The following ACOT7 variants were observed in gnomAD, a reference collection of about 807,000 sequenced individuals.
The protein encoded by ACOT7 is cytosolic acyl coenzyme A thioester hydrolase.
Under a neutral mutation model 40.2 loss-of-function variants are expected in ACOT7, and 12 were observed. The ratio of observed to expected loss-of-function variants is 0.30; its 90% confidence interval spans 0.19 to 0.48. ACOT7 has a LOEUF of 0.48. ACOT7 is among the 20% of genes least tolerant of loss of function. The probability of loss-of-function intolerance (pLI) is 0.99; values close to 1 mark genes in which losing one functional copy is unlikely to be tolerated. For missense variants in ACOT7, 395 were observed against 530.8 expected, an observed-to-expected ratio of 0.74 and a Z score of 2.51; for synonymous variants, 228 against 219.5, an observed-to-expected ratio of 1.04 and a Z score of -0.34.
chr1:6,375,780 CAA>C (rs1288487678), intron 1 of ACOT7, among the ~76,000 whole-genome samples: 1 of 150,360 alleles, frequency 6.7e-6, no homozygotes, highest in Middle Eastern at 3.2e-3. Context: ...ACTAAAAATA[CAA>C]AAAAAATTAG....
In ACOT7 at chr1:6,385,380, C is replaced by T. The variant is rs947242506; in HGVS notation, c.143+7877G>A. Reference sequence around the variant, plus strand: ...CAAAACACACAGCTCATCCAACACCCGACCCTACTACCCTCCCCAAAACTC... The same window carrying T: ...CAAAACACACAGCTCATCCAACACCTGACCCTACTACCCTCCCCAAAACTC... On this transcript the variant is annotated intron_variant, in intron 1 of 8. Transcript: ENST00000361521. The T allele has an allele frequency of 2.4e-5, 32 of 1,311,200 alleles. No individual in the cohort carries two copies. In the African/African-American group the frequency reaches 3.2e-4, roughly 13 times the overall value. 81.2% of individuals were successfully genotyped at this position (1,311,200 alleles called of 1,614,324 possible). A position where few individuals can be genotyped will look rare whatever the true frequency, so the allele number is the denominator to read the frequency against.
At chr1:6,333,627 T>C in intron 3 of ACOT7, 59 bp from the exon 4 acceptor site, 1 of 1,555,126 alleles carries the variant, frequency 6.4e-7, no homozygotes, top group Non-Finnish European at 8.9e-7. Context: ...AATGTGAGCG[T>C]CCAGGCACGT....
Position 6,274,083 on chromosome 1 carries a change from G to A in ACOT7, c.1014+7019C>T, listed in dbSNP as rs1455330345. 6.6e-6 allele frequency among the ~76,000 whole-genome samples: 1 copy of A among 152,172 alleles called. No homozygotes were observed. Among genetic ancestry groups the A allele is most frequent in the Non-Finnish European group, 1.5e-5 (1 of 68,020 alleles). ...AACGGGGCCCATGCGAGGACCCCAGGCCCCTCTGCACACCGTGCCTGGGGG... is the reference window on the plus strand; with the variant it reads ...AACGGGGCCCATGCGAGGACCCCAGACCCCTCTGCACACCGTGCCTGGGGG... On this transcript the variant is annotated intron_variant, in intron 8 of 8. Coordinates refer to ENST00000361521, the MANE Select transcript of ACOT7 (RefSeq NM_007274.4). This position sits in a 1 kb window ranked among gnomAD's most constrained non-coding sequence, Gnocchi z 5.9.
chr1:6,316,568 G>A (rs1180784178), intron 6 of ACOT7, among the ~76,000 whole-genome samples: 6 of 152,248 alleles, frequency 3.9e-5, no homozygotes, highest in African/African-American at 1.4e-4. Flanking sequence ...CCAGCACTTT[G>A]GGAGGCCAAG....
intron 4 of ACOT7, among the ~76,000 whole-genome samples, chr1:6,329,810 T>C (rs1405641338): frequency 1.3e-5 from 2 of 151,770 alleles, no homozygotes; most frequent in African/African-American, 4.8e-5. Flanking sequence ...TTCAGACATT[T>C]GAAAAAAACC....
intron 3 of ACOT7, 86 bp from the exon 4 acceptor site, chr1:6,333,654 G>A: frequency 7.4e-7 from 1 of 1,343,920 alleles, no homozygotes; most frequent in Non-Finnish European, 1.1e-6. Flanking sequence ...TGCTGCTCCA[G>A]CGCCCGGTCC....
chr1:6,379,094 C>A (rs1458236491), intron 1 of ACOT7, among the ~76,000 whole-genome samples: 2 of 151,846 alleles, frequency 1.3e-5, no homozygotes, highest in African/African-American at 4.8e-5. Flanking sequence ...AGGGGTTTCA[C>A]CGTGTTAGCC....
At chr1:6,383,539 GTTTT>G (rs201588214) in intron 1 of ACOT7, among the ~76,000 whole-genome samples, 1 of 143,230 alleles carries the variant, frequency 7.0e-6, no homozygotes, top group East Asian at 2.0e-4. Flanking sequence ...TTTTAACACA[GTTTT>G]TTTTTTTTTG....
chr1:6,305,936 C>T (rs897214383), intron 6 of ACOT7, among the ~76,000 whole-genome samples: 2 of 152,094 alleles, frequency 1.3e-5, no homozygotes, highest in African/African-American at 2.4e-5. Flanking sequence ...TCTGCAATCC[C>T]GGCACCTCGG....
At chr1:6,339,176 T>A (rs981293156) in intron 3 of ACOT7, among the ~76,000 whole-genome samples, 4 of 152,188 alleles carry the variant, frequency 2.6e-5, no homozygotes, top group Non-Finnish European at 5.9e-5. Context: ...CATGATGTGC[T>A]CAGGCCGGAC....
At chr1:6,334,080 A>G (rs1436328185) in intron 3 of ACOT7, among the ~76,000 whole-genome samples, 1 of 152,164 alleles carries the variant, frequency 6.6e-6, no homozygotes, top group African/African-American at 2.4e-5. Flanking sequence ...GAGCTTGATT[A>G]TGAAAACACA....
At chr1:6,348,156 C>T (rs1486118417) in intron 2 of ACOT7, among the ~76,000 whole-genome samples, 1 of 152,050 alleles carries the variant, frequency 6.6e-6, no homozygotes, top group Non-Finnish European at 1.5e-5. Flanking sequence ...ACCGGAGCCT[C>T]GGGTCCAAAG....
In ACOT7 at chr1:6,287,027, C is replaced by T. The variant is rs1019716017; in HGVS notation, c.830-5741G>A. 3.3e-5 allele frequency among the ~76,000 whole-genome samples: 5 copies of T among 152,352 alleles called. No homozygotes were observed. The East Asian group carries it at 9.6e-4, about 29-fold the overall frequency. ...GGTCTCGATCTCCTGACCTCGTGAT[C>T]TGCCTGCCTCGGCCTCCCAAAGTGC... On this transcript the variant is annotated intron_variant, in intron 7 of 8. Coordinates refer to ENST00000361521, the MANE Select transcript of ACOT7 (RefSeq NM_007274.4).
At chr1:6,337,693 G>A (rs955301455) in intron 3 of ACOT7, among the ~76,000 whole-genome samples, 4 of 152,070 alleles carry the variant, frequency 2.6e-5, no homozygotes, top group Admixed American at 6.6e-5. Flanking sequence ...CAAACTGCTC[G>A]GCTGGGCTCG....
At chr1:6,336,710 C>T (rs1261977286) in intron 3 of ACOT7, among the ~76,000 whole-genome samples, 1 of 152,198 alleles carries the variant, frequency 6.6e-6, no homozygotes, top group East Asian at 1.9e-4. Flanking sequence ...ACCCATTCAG[C>T]CAGTGCTCCC....
In ACOT7 at chr1:6,316,887, G is replaced by A. The variant is rs77777554; in HGVS notation, c.712+1605C>T. ...CACTCATGGAGTAAGTATCTGCAAGGTGCCCCTTTGACTCTCTGTGGGTGC... is the reference window on the plus strand; with the variant it reads ...CACTCATGGAGTAAGTATCTGCAAGATGCCCCTTTGACTCTCTGTGGGTGC... On this transcript the variant is annotated intron_variant, in intron 6 of 8. Coordinates refer to ENST00000361521, the MANE Select transcript of ACOT7 (RefSeq NM_007274.4). Among the ~76,000 whole-genome samples the A allele has an allele frequency of 6.5e-3, 993 of 152,190 alleles. 5 individuals are homozygous for A. The highest frequency in any genetic ancestry group is 0.02 in the Middle Eastern group (6 of 294).
At chr1:6,308,442 A>G (rs1011498121) in intron 6 of ACOT7, among the ~76,000 whole-genome samples, 2 of 149,406 alleles carry the variant, frequency 1.3e-5, no homozygotes, top group Non-Finnish European at 3.0e-5. Context: ...CAACAGGCAG[A>G]GGGAACCACG....
At chr1:6,350,743 A>C (rs3789477) in intron 1 of ACOT7, among the ~76,000 whole-genome samples, 53,554 of 152,182 alleles carry the variant, frequency 0.35, 14,564 homozygotes, top group African/African-American at 0.77. Flanking sequence ...GCCTTGCTGG[A>C]CAGTGTGGGG....
chr1:6,345,890 G>A (rs1557661163), intron 2 of ACOT7, among the ~76,000 whole-genome samples: 1 of 152,216 alleles, frequency 6.6e-6, no homozygotes. Context: ...CTCGGTGGAC[G>A]CTCTCCATGA....
Sources: allele counts gnomAD v4.1 joint callset (sites outside exome capture counted in the v4.1 genomes callset), GRCh38; gene constraint gnomAD v4.1.1; non-coding constraint Gnocchi (gnomAD v3.1); transcripts MANE v1.5; gene names NCBI Gene and HGNC (gene_info 2026-07-23, HGNC 2026-07-21).